F5: variants seen among roughly 807,000 people sequenced by gnomAD.
F5 encodes the protein coagulation factor V.
In F5, 138 loss-of-function variants were observed where a neutral mutation model predicts 216.4. The ratio of observed to expected loss-of-function variants is 0.64; its 90% CI spans 0.56 to 0.73. The LOEUF (loss-of-function observed/expected upper bound fraction) is 0.73. Ranked by LOEUF, F5 falls within the 30% of genes least tolerant of loss-of-function variation. The pLI is 0.00. For synonymous variants in F5, 916 were observed against 930.7 expected (o/e 0.98, Z 0.29); for missense variants, 2,403 against 2,674.0 (o/e 0.90, Z 2.24).
chr1:169,557,516 C>T (rs1313159892), intron 5 of F5, among the ~76,000 whole-genome samples: 1 of 152,080 alleles, frequency 6.6e-6, no homozygotes, highest in African/African-American at 2.4e-5. Flanking sequence ...TGTACAAGTC[C>T]TCATTATGCT....
intron 12 of F5, among the ~76,000 whole-genome samples, chr1:169,543,508 A>T (rs898333222): frequency 6.6e-6 from 1 of 152,208 alleles, no homozygotes; most frequent in Non-Finnish European, 1.5e-5. Flanking sequence ...AATCAAGAAT[A>T]AAATGGACTT....
chr1:169,556,548 T>C, intron 6 of F5, 98 bp downstream of exon 6: 1 of 1,123,864 alleles, frequency 8.9e-7, no homozygotes, highest in South Asian at 1.3e-5. Context: ...TTGTCTGCGG[T>C]GCAGGTGGCT....
chr1:169,550,786 A>G (rs1183798089), intron 8 of F5, 47 bp from the exon 9 acceptor site: 1 of 1,375,626 alleles, frequency 7.3e-7, no homozygotes, highest in Non-Finnish European at 1.0e-6. Context: ...GTTGATCATG[A>G]CAAATAATAT....
intron 23 of F5, among the ~76,000 whole-genome samples, chr1:169,517,376 G>T (rs1165926552): frequency 1.3e-5 from 2 of 152,138 alleles, no homozygotes; most frequent in African/African-American, 4.8e-5. Flanking sequence ...TCCCAAGACT[G>T]TGTGGAATCC....
rs1330761400 is a variant in F5, at chr1:169,542,374, G to A, written c.2716C>T (p.Pro906Ser). ...TCTTGGCTAGGAAGGTCCTCCCAGG[G>A]CCTCATTCCGGAAGGAGAACCAGTG... ...QDTGSPSGMR[P>S]WEDLPSQDTG... The change falls in exon 13 of 25, where the codon CCC becomes TCC. Residue 906 changes from proline (P) to serine (S), a missense_variant. This residue lies in a region of F5 where 1,425 missense variants were observed against 1,554.8 expected (regional missense o/e 0.92). Coordinates refer to ENST00000367797, the MANE Select transcript of F5 (RefSeq NM_000130.5). 3 of 1,614,000 alleles carry A rather than the reference G, an allele frequency of 1.9e-6. No individual in the cohort carries two copies. The highest frequency in any genetic ancestry group is 2.2e-5 in the East Asian group (1 of 44,872).
At chr1:169,564,322 A>G (rs1660550751) in intron 3 of F5, among the ~76,000 whole-genome samples, 1 of 152,044 alleles carries the variant, frequency 6.6e-6, no homozygotes, top group African/African-American at 2.4e-5. Flanking sequence ...CTGTGATTAT[A>G]CTGTCCTCTG....
chr1:169,556,181 A>C (rs930913908), intron 6 of F5, among the ~76,000 whole-genome samples: 5 of 152,086 alleles, frequency 3.3e-5, no homozygotes, highest in African/African-American at 1.2e-4. Context: ...ACACACATTC[A>C]TTGAGTTCCT....
chr1:169,565,425 A>G lies in F5; in HGVS notation c.374-4659T>C, dbSNP rs571879231. ...CCATAGGTACCTAGAGAAGCATGGAACATGAACATGAAGAAGATGCTCAGT... is the reference window on the plus strand; with the variant it reads ...CCATAGGTACCTAGAGAAGCATGGAGCATGAACATGAAGAAGATGCTCAGT... On this transcript the variant is annotated intron_variant, in intron 3 of 24. Coordinates refer to ENST00000367797, the MANE Select transcript of F5 (RefSeq NM_000130.5). Among the ~76,000 whole-genome samples, 6 of 152,242 alleles carry G rather than the reference A, an allele frequency of 3.9e-5. No homozygotes were observed. The South Asian group carries it at 1.2e-3, about 32-fold the overall frequency.
Position 169,542,583 on chromosome 1 carries a change from A to G in F5, c.2507T>C (p.Ile836Thr). The change falls in exon 13 of 25, where the codon ATA becomes ACA. Residue 836 changes from isoleucine (I) to threonine (T), a missense_variant. This residue lies in a region of F5 where 1,425 missense variants were observed against 1,554.8 expected (regional missense o/e 0.92). Coordinates refer to ENST00000367797, the MANE Select transcript of F5 (RefSeq NM_000130.5). ...GACATCTGGCTGTAGAGGATCCTCTATAGGGTCTTCAGAATATGGGCTGGA... is the reference window on the plus strand; with the variant it reads ...GACATCTGGCTGTAGAGGATCCTCTGTAGGGTCTTCAGAATATGGGCTGGA... ...EHSSPYSEDP[I>T]EDPLQPDVTG... is the part of the protein sequence containing the mutation. The G allele has an allele frequency of 1.2e-6, 2 of 1,614,042 alleles. No homozygotes were observed. The highest frequency in any genetic ancestry group is 8.5e-7 in the Non-Finnish European group (1 of 1,179,980).
chr1:169,556,950 G>A (rs1660346606), intron 5 of F5, 83 bp from the exon 6 acceptor site: 1 of 1,206,024 alleles, frequency 8.3e-7, no homozygotes, highest in African/African-American at 1.5e-5. Flanking sequence ...CAAGTGTATT[G>A]AGCACCTGCT....
In F5 at chr1:169,541,498, C is replaced by G. The variant is rs1256362166; in HGVS notation, c.3592G>C (p.Glu1198Gln). The change falls in exon 13 of 25, where the codon GAA becomes CAA. Residue 1198 changes from glutamate (E) to glutamine (Q), a missense_variant. Glu to Gln is a conservative substitution (Grantham distance 29). Coordinates refer to ENST00000367797, the MANE Select transcript of F5 (RefSeq NM_000130.5). ...PDLSQVTLSPELSQTNLSPDL... is the reference protein window; with the variant it reads ...PDLSQVTLSPQLSQTNLSPDL... ...GGAGAGAGGTTTGTCTGGCTGAGTTCTGGAGAGAGGGTCACCTGGCTGAGG... is the reference window on the plus strand; with the variant it reads ...GGAGAGAGGTTTGTCTGGCTGAGTTGTGGAGAGAGGGTCACCTGGCTGAGG... The G allele has an allele frequency of 4.3e-6, 7 of 1,614,008 alleles. No homozygotes were observed. The highest frequency in any genetic ancestry group is 5.9e-6 in the Non-Finnish European group (7 of 1,179,982).
intron 19 of F5, 69 bp downstream of exon 19, chr1:169,524,768 T>C (rs1349746966): frequency 7.9e-7 from 1 of 1,259,880 alleles, no homozygotes; most frequent in East Asian, 2.3e-5. Flanking sequence ...TTGTCATGTA[T>C]GGTTTCATAG....
At position 169,541,532 on chromosome 1, in the gene F5, G is replaced by C; in HGVS notation, c.3558C>G (p.Ile1186Met). The C allele has an allele frequency of 6.2e-7, 1 of 1,614,122 alleles. No homozygotes were observed. The highest frequency in any genetic ancestry group is 1.1e-5 in the South Asian group (1 of 91,076). ...GGGTCACCTGGCTGAGGTCTGGAGA[G>C]ATGACTGTCTGCCAGACTTCATGTT... ...SSEHEVWQTV[I>M]SPDLSQVTLS... Residue 1186 changes from isoleucine (I) to methionine (M), a missense_variant, in exon 13 of 25, where the codon ATC becomes ATG. By Grantham distance (10) the Ile-to-Met change is conservative (BLOSUM62 1). Coordinates refer to ENST00000367797, the MANE Select transcript of F5 (RefSeq NM_000130.5).
chr1:169,528,426 T>C (rs1659511039), intron 16 of F5, among the ~76,000 whole-genome samples: 1 of 152,158 alleles, frequency 6.6e-6, no homozygotes, highest in East Asian at 1.9e-4. Context: ...TTTCCTTAAC[T>C]ACAAAAGATA....
intron 14 of F5, 84 bp from the exon 15 acceptor site, chr1:169,531,106 G>T (rs934292479): frequency 5.8e-6 from 6 of 1,027,216 alleles, no homozygotes; most frequent in East Asian, 2.4e-5. Context: ...AGTCAAAATG[G>T]CTGGTTATAA....
chr1:169,584,399 C>T (rs770178880), intron 1 of F5, among the ~76,000 whole-genome samples: 70 of 151,984 alleles, frequency 4.6e-4, no homozygotes, highest in Admixed American at 1.5e-3. Flanking sequence ...AAGCTAGAAC[C>T]CTAGAAGGAA....
At chr1:169,524,797 G>A (rs1041986943) in intron 19 of F5, 40 bp downstream of exon 19, 6 of 1,516,968 alleles carry the variant, frequency 4.0e-6, no homozygotes, top group Admixed American at 1.7e-5. Context: ...CTGCACAACT[G>A]TAGGGGGTAC....
intron 13 of F5, among the ~76,000 whole-genome samples, chr1:169,538,090 CAAAT>C (rs975147383): frequency 2.6e-5 from 4 of 151,910 alleles, no homozygotes; most frequent in Non-Finnish European, 5.9e-5. Context: ...TGTCTATAAA[CAAAT>C]GAATGGATTT....
chr1:169,516,984 C>T (rs958086872), intron 23 of F5, among the ~76,000 whole-genome samples: 3 of 151,938 alleles, frequency 2.0e-5, no homozygotes, highest in African/African-American at 7.3e-5. Context: ...CAAGGTTATA[C>T]CATGAACAAG....
Sources: allele counts gnomAD v4.1 joint callset (sites outside exome capture counted in the v4.1 genomes callset), GRCh38; gene constraint gnomAD v4.1.1; regional missense constraint gnomAD v4.1.1; transcripts MANE v1.5; gene names NCBI Gene and HGNC (gene_info 2026-07-23, HGNC 2026-07-21).